The following DLG2 variants were observed in gnomAD, a reference collection of about 807,000 sequenced individuals.
The protein encoded by DLG2 is disks large homolog 2.
In DLG2, 45 loss-of-function variants were observed where a neutral mutation model predicts 132.5. The observed-to-expected ratio is 0.34, with a 90% CI of 0.27 to 0.44. DLG2 has a LOEUF of 0.44. DLG2 is among the 20% of genes least tolerant of loss of function. DLG2 has a pLI of 1.00. For synonymous variants in DLG2, 424 were observed against 419.6 expected, an observed-to-expected ratio of 1.01 and a Z score of -0.13; for missense variants, 1,045 against 1,196.9, an observed-to-expected ratio of 0.87 and a Z score of 1.87.
intron 7 of DLG2, among the ~76,000 whole-genome samples, chr11:84,423,090 G>A (rs1222164034): frequency 2.0e-5 from 3 of 152,074 alleles, no homozygotes; most frequent in Non-Finnish European, 2.9e-5. Flanking sequence ...GTCAAATGGG[G>A]AAGGTCTGAA....
intron 6 of DLG2, among the ~76,000 whole-genome samples, chr11:84,595,874 T>C (rs2099555571): frequency 6.6e-6 from 1 of 152,196 alleles, no homozygotes; most frequent in Non-Finnish European, 1.5e-5. Context: ...TGATTATTTT[T>C]TACTTTAAAG....
chr11:84,861,959 T>A (rs1425513727), intron 6 of DLG2, among the ~76,000 whole-genome samples: 1 of 144,156 alleles, frequency 6.9e-6, no homozygotes, highest in Admixed American at 7.4e-5. Flanking sequence ...CACCGCATAT[T>A]CTCACTCACA....
intron 11 of DLG2, among the ~76,000 whole-genome samples, chr11:83,994,738 C>G (rs1190907189): frequency 6.6e-6 from 1 of 152,042 alleles, no homozygotes; most frequent in Non-Finnish European, 1.5e-5. Flanking sequence ...AAAAAGTAAG[C>G]ATCGTAACTA....
intron 9 of DLG2, among the ~76,000 whole-genome samples, chr11:84,142,358 A>C (rs2095353013): frequency 6.7e-6 from 1 of 150,254 alleles, no homozygotes; most frequent in South Asian, 2.1e-4. Flanking sequence ...ACTGGCTTTC[A>C]GGCCAGTAAA....
At chr11:83,690,911 T>TA (rs2153620029) in intron 18 of DLG2, among the ~76,000 whole-genome samples, 1 of 152,350 alleles carries the variant, frequency 6.6e-6, no homozygotes, top group African/African-American at 2.4e-5. Flanking sequence ...TTTATGTATT[T>TA]ATGTATTGTC....
chr11:85,584,175 A>G (rs536280796), intron 3 of DLG2, among the ~76,000 whole-genome samples: 1 of 152,080 alleles, frequency 6.6e-6, no homozygotes, highest in East Asian at 1.9e-4. Flanking sequence ...TGCCCTCTTG[A>G]TGCCTCTCCA....
chr11:84,514,230 T>A (rs1383236612), intron 7 of DLG2, among the ~76,000 whole-genome samples: 3 of 151,956 alleles, frequency 2.0e-5, no homozygotes, highest in African/African-American at 4.8e-5. Flanking sequence ...GAAACTGTTG[T>A]AAACTGCTGT....
intron 6 of DLG2, among the ~76,000 whole-genome samples, chr11:84,548,668 T>C (rs1319933767): frequency 2.6e-5 from 4 of 152,140 alleles, no homozygotes; most frequent in Non-Finnish European, 4.4e-5. Context: ...ATTTTCTTAA[T>C]CCCGTCTATC....
At chr11:85,402,071 A>G (rs1182134572) in intron 3 of DLG2, among the ~76,000 whole-genome samples, 1 of 152,216 alleles carries the variant, frequency 6.6e-6, no homozygotes, top group Admixed American at 6.5e-5. Flanking sequence ...TGGAGGCATC[A>G]CGCTACCTGA....
chr11:84,647,175 C>T (rs539407628), intron 6 of DLG2, among the ~76,000 whole-genome samples: 4 of 151,990 alleles, frequency 2.6e-5, no homozygotes, highest in African/African-American at 7.2e-5. Context: ...TTAAGAAAAA[C>T]TTCATATAGG....
At chr11:84,600,626 T>A (rs2099574777) in intron 6 of DLG2, among the ~76,000 whole-genome samples, 1 of 152,238 alleles carries the variant, frequency 6.6e-6, no homozygotes, top group South Asian at 2.1e-4. Context: ...TTCAAATTCA[T>A]TCTTCAGGAA....
At chr11:85,027,169 GTCTCT>G (rs2060599473) in intron 6 of DLG2, among the ~76,000 whole-genome samples, 2 of 115,724 alleles carry the variant, frequency 1.7e-5, no homozygotes, top group Non-Finnish European at 1.7e-5. Flanking sequence ...ATACAGTGTG[GTCTCT>G]TTTTTTTTTT....
At chr11:83,484,003 T>C (rs2093335676) in intron 22 of DLG2, 126 bp downstream of exon 22, 1 of 740,846 alleles carries the variant, frequency 1.3e-6, no homozygotes, top group Non-Finnish European at 2.4e-6. Flanking sequence ...GTAGTAGACC[T>C]GCCCTGCCTG....
At chr11:83,859,827 T>C (rs1369484600) in intron 16 of DLG2, among the ~76,000 whole-genome samples, 1 of 152,006 alleles carries the variant, frequency 6.6e-6, no homozygotes, top group Admixed American at 6.6e-5. Flanking sequence ...AAAAAATGGT[T>C]TTGTCGGCCA....
intron 11 of DLG2, among the ~76,000 whole-genome samples, chr11:84,003,863 G>C (rs1226882550): frequency 6.6e-6 from 1 of 152,100 alleles, no homozygotes; most frequent in Non-Finnish European, 1.5e-5. Flanking sequence ...TAAATTCCTG[G>C]AAACATACAA....
At chr11:84,115,094 CCTAA>C (rs2093569587) in intron 9 of DLG2, among the ~76,000 whole-genome samples, 1 of 152,164 alleles carries the variant, frequency 6.6e-6, no homozygotes. Context: ...ATTTCAAAGA[CCTAA>C]CTTTCTGTTT....
At chr11:83,736,353 T>C (rs999942081) in intron 18 of DLG2, among the ~76,000 whole-genome samples, 2 of 152,122 alleles carry the variant, frequency 1.3e-5, no homozygotes, top group Admixed American at 6.6e-5. Flanking sequence ...TTATTATTAC[T>C]AGAACTCAAC....
chr11:84,978,044 A>G lies in DLG2; in HGVS notation c.357+133617T>C, dbSNP rs899166535. Among the ~76,000 whole-genome samples, 79 of 152,162 alleles carry G rather than the reference A, an allele frequency of 5.2e-4. 2 individuals carry two copies. The highest frequency in any genetic ancestry group is 4.4e-5 in the Non-Finnish European group (3 of 68,026). On this transcript the variant is annotated intron_variant, in intron 6 of 27. Coordinates refer to ENST00000376104, the MANE Select transcript of DLG2 (RefSeq NM_001142699.3). ...AACTTTGAGTTGGTAAAAATTCCCA[A>G]GATATTTAGATGTCTAAATGTCTTG...
chr11:84,912,590 A>C (rs548367288), intron 6 of DLG2, among the ~76,000 whole-genome samples: 18 of 152,280 alleles, frequency 1.2e-4, no homozygotes, highest in Non-Finnish European at 2.1e-4. Context: ...CTTGAAATTA[A>C]GCATCAGAAA....
Sources: gnomAD v4.1 joint callset for allele counts (sites outside exome capture counted in the v4.1 genomes callset) on GRCh38, gnomAD v4.1.1 for gene constraint, MANE v1.5 for transcripts, NCBI Gene and HGNC (gene_info 2026-07-23, HGNC 2026-07-21) for gene names.